The following ATP8A2 variants were observed in gnomAD, a reference collection of about 807,000 sequenced individuals.
ATP8A2 encodes the protein ATPase phospholipid transporting 8A2.
Under a neutral mutation model 165.6 loss-of-function variants are expected in ATP8A2, and 100 were observed. The observed-to-expected ratio is 0.60, with a 90% confidence interval of 0.51 to 0.71. The LOEUF is 0.71. Ranked by LOEUF, ATP8A2 falls within the 30% of genes least tolerant of loss-of-function variation. ATP8A2 has a pLI of 0.00. For missense variants in ATP8A2, 1,227 were observed against 1,479.5 expected (o/e 0.83, Z 2.80); for synonymous variants, 543 against 548.8 (o/e 0.99, Z 0.15).
chr13:25,775,144 T>G (rs1047133530), intron 27 of ATP8A2, among the ~76,000 whole-genome samples, 185 bp downstream of exon 27: 4 of 152,218 alleles, frequency 2.6e-5, no homozygotes, highest in African/African-American at 7.2e-5. Context: ...GTCTAGATCC[T>G]CATGCTGGAT....
At chr13:25,940,748 C>A (rs1367172582) in intron 33 of ATP8A2, among the ~76,000 whole-genome samples, 1 of 152,202 alleles carries the variant, frequency 6.6e-6, no homozygotes, top group Non-Finnish European at 1.5e-5. Context: ...TGCAGGCGGC[C>A]CTCCCCACAG....
At chr13:25,469,243 TCC>T (rs1210126932) in intron 2 of ATP8A2, 122 bp downstream of exon 2, 1 of 1,258,392 alleles carries the variant, frequency 7.9e-7, no homozygotes. Context: ...CCCAGAGCCT[TCC>T]CCTGCCCCCT....
In ATP8A2 at chr13:26,023,965, T is replaced by C. The variant is rs757500133; in HGVS notation, c.*3980T>C. On this transcript the variant is annotated 3_prime_UTR_variant, in exon 37 of 37. Transcript: ENST00000381655. ...GAGTTTATCAGGTCGAGTCAAAACA[T>C]GGCATCCCCTGTTACACTCAAGAAA... is the stretch of plus-strand genomic sequence containing the variant. 1.3e-5 allele frequency: 2 copies of C among 152,180 alleles called. No homozygotes were observed. The highest frequency in any genetic ancestry group is 2.9e-5 in the Non-Finnish European group (2 of 68,034). 9.4% of individuals were successfully genotyped at this position (152,180 alleles called of 1,614,324 possible). A position where few individuals can be genotyped will look rare whatever the true frequency, so the allele number is the denominator to read the frequency against.
intron 27 of ATP8A2, among the ~76,000 whole-genome samples, chr13:25,798,776 A>AC (rs1183672115): frequency 1.1e-4 from 17 of 151,968 alleles, no homozygotes; most frequent in Admixed American, 9.8e-4. Flanking sequence ...GATTTAGTTG[A>AC]CCTCTGCAGG....
chr13:25,722,539 A>G (rs1297722699), intron 25 of ATP8A2, among the ~76,000 whole-genome samples: 1 of 152,136 alleles, frequency 6.6e-6, no homozygotes, highest in African/African-American at 2.4e-5. Flanking sequence ...CATGCTATGT[A>G]TTTTGACACT....
At chr13:26,007,387 G>A (rs144717087) in intron 35 of ATP8A2, among the ~76,000 whole-genome samples, 470 of 152,246 alleles carry the variant, frequency 3.1e-3, no homozygotes, top group African/African-American at 0.011. Flanking sequence ...GTTTTTATAA[G>A]CTCTGGTTCC....
chr13:25,937,848 C>CAAACA (rs1954954663), intron 33 of ATP8A2, among the ~76,000 whole-genome samples: 1 of 83,558 alleles, frequency 1.2e-5, no homozygotes, highest in Non-Finnish European at 2.2e-5. Flanking sequence ...GACTCCGTCT[C>CAAACA]AAAAAAAAAA....
intron 1 of ATP8A2, among the ~76,000 whole-genome samples, chr13:25,459,855 G>T (rs35591189): frequency 0.041 from 6,272 of 152,234 alleles, 168 homozygotes; most frequent in East Asian, 0.092. Context: ...TGGCTATGGG[G>T]TTGGTTGCAG....
At chr13:25,454,750 C>T (rs531947017) in intron 1 of ATP8A2, among the ~76,000 whole-genome samples, 2 of 152,178 alleles carry the variant, frequency 1.3e-5, no homozygotes, top group Admixed American at 6.5e-5. Flanking sequence ...GGTGAAACCC[C>T]GTCTCTACTA....
chr13:25,709,474 T>G (rs2043117194), intron 25 of ATP8A2, among the ~76,000 whole-genome samples: 1 of 152,212 alleles, frequency 6.6e-6, no homozygotes, highest in African/African-American at 2.4e-5. Flanking sequence ...TGATTGAACC[T>G]TAAGTTCTTA....
chr13:25,779,703 G>A (rs2044828230), intron 27 of ATP8A2, among the ~76,000 whole-genome samples: 1 of 152,142 alleles, frequency 6.6e-6, no homozygotes, highest in Admixed American at 6.5e-5. Context: ...TAAGCCTGGG[G>A]CATAGATCAT....
chr13:25,899,866 C>T (rs1283633710), intron 33 of ATP8A2, among the ~76,000 whole-genome samples: 1 of 152,104 alleles, frequency 6.6e-6, no homozygotes, highest in African/African-American at 2.4e-5. Flanking sequence ...CAAAGCTCAC[C>T]CTGCCTCTCT....
intron 2 of ATP8A2, among the ~76,000 whole-genome samples, chr13:25,518,784 C>T (rs1406481032): frequency 6.6e-6 from 1 of 152,146 alleles, no homozygotes; most frequent in African/African-American, 2.4e-5. Flanking sequence ...TTGCCAGACC[C>T]TATTTTCTAA....
chr13:25,486,447 C>T (rs2036355669), intron 2 of ATP8A2, among the ~76,000 whole-genome samples: 1 of 151,918 alleles, frequency 6.6e-6, no homozygotes, highest in African/African-American at 2.4e-5. Context: ...TCTTATATAT[C>T]CTGAAGATAA....
chr13:25,829,283 A>G (rs530336859), intron 28 of ATP8A2, among the ~76,000 whole-genome samples: 13 of 152,238 alleles, frequency 8.5e-5, no homozygotes, highest in African/African-American at 2.4e-4. Context: ...CAAAGTCACT[A>G]GCACATTTCC....
chr13:25,876,134 C>T (rs561099173), intron 33 of ATP8A2, among the ~76,000 whole-genome samples: 13 of 152,212 alleles, frequency 8.5e-5, no homozygotes, highest in African/African-American at 2.4e-4. Flanking sequence ...GATGATTTCA[C>T]GGAAGAAATA....
intron 4 of ATP8A2, among the ~76,000 whole-genome samples, chr13:25,531,597 A>G (rs2137924828): frequency 6.6e-6 from 1 of 151,856 alleles, no homozygotes; most frequent in South Asian, 2.1e-4. Context: ...AATAAATATA[A>G]TACAGGTTAA....
intron 1 of ATP8A2, among the ~76,000 whole-genome samples, chr13:25,446,016 C>T (rs958539893): frequency 2.0e-5 from 3 of 152,212 alleles, no homozygotes; most frequent in South Asian, 2.1e-4. Flanking sequence ...TAAATGATAG[C>T]GTGCGTGGAG....
In ATP8A2 at chr13:25,731,053, G is replaced by A. The variant is rs1318844529; in HGVS notation, c.2384+31708G>A. 3.4e-5 allele frequency among the ~76,000 whole-genome samples: 5 copies of A among 148,272 alleles called. No homozygotes were observed. The East Asian group carries it at 1.0e-3, about 30-fold the overall frequency. ...CCTCCCACTACACTCCAGCCAGGTCGCAAAAAAGAAGGAGAGGGGAGGAAA... is the reference window on the plus strand; with the variant it reads ...CCTCCCACTACACTCCAGCCAGGTCACAAAAAAGAAGGAGAGGGGAGGAAA... On this transcript the variant is annotated intron_variant, in intron 25 of 36. Transcript: ENST00000381655.
Sources: gnomAD v4.1 joint callset for allele counts (sites outside exome capture counted in the v4.1 genomes callset) on GRCh38, gnomAD v4.1.1 for gene constraint, MANE v1.5 for transcripts, NCBI Gene and HGNC (gene_info 2026-07-23, HGNC 2026-07-21) for gene names.